Variants in ZNF740 observed in about 807,000 individuals in gnomAD.
ZNF740 encodes the protein oriLyt TD-element-binding protein 7.
Under a neutral mutation model 24.8 loss-of-function variants are expected in ZNF740, and 14 were observed. The observed-to-expected ratio is 0.56, with a 90% CI of 0.37 to 0.88. The LOEUF is 0.88. Ranked by LOEUF, ZNF740 falls within the 40% of genes least tolerant of loss-of-function variation. The pLI is 0.00. For synonymous variants in ZNF740, 69 were observed against 84.0 expected (o/e 0.82, Z 0.98); for missense variants, 201 against 247.9 (o/e 0.81, Z 1.27).
At chr12:53,182,053 T>G in intron 2 of ZNF740, 61 bp downstream of exon 2, 1 of 1,582,992 alleles carries the variant, frequency 6.3e-7, no homozygotes, top group Non-Finnish European at 8.6e-7. Context: ...GTTTCACTCT[T>G]GAATGCTGCC....
intron 6 of ZNF740, 104 bp downstream of exon 6, chr12:53,186,613 G>A (rs1239630421): frequency 1.5e-5 from 13 of 866,084 alleles, no homozygotes; most frequent in Admixed American, 9.1e-5. Context: ...AGCGTTACTC[G>A]CCATAATAGT....
In ZNF740 at chr12:53,192,176, C is replaced by T. The variant is rs576160318; in HGVS notation, c.*4586C>T. Reference sequence around the variant, plus strand: ...TTATCCTCACCGCCCAGGGCCTTAGCCTCGTCCACTTGCTCAATTGCCTCT... The same window carrying T: ...TTATCCTCACCGCCCAGGGCCTTAGTCTCGTCCACTTGCTCAATTGCCTCT... On this transcript the variant is annotated 3_prime_UTR_variant, in exon 7 of 7. Transcript: ENST00000416904. 4.0e-4 allele frequency: 477 copies of T among 1,196,046 alleles called. 1 individual carries two copies. Among genetic ancestry groups the T allele is most frequent in the Non-Finnish European group, 6.5e-5 (55 of 850,426 alleles). The allele number at this position is 1,196,046 out of a possible 1,614,324, so 74.1% of individuals were successfully genotyped here. A position where few individuals can be genotyped will look rare whatever the true frequency, so the allele number is the denominator to read the frequency against.
intron 1 of ZNF740, chr12:53,181,164 G>A: frequency 1.0e-6 from 1 of 984,940 alleles, no homozygotes; most frequent in Non-Finnish European, 1.2e-6. Context: ...GGAGCGAGGC[G>A]GGCGACACGC....
At chr12:53,184,791 A>G in intron 2 of ZNF740, 100 bp from the exon 3 acceptor site, 1 of 1,370,692 alleles carries the variant, frequency 7.3e-7, no homozygotes. Context: ...GGAGAGAAGC[A>G]GTTTGTAGCA....
intron 3 of ZNF740, 143 bp from the exon 4 acceptor site, chr12:53,185,236 AGGTGCTTG>A: frequency 1.8e-6 from 2 of 1,112,682 alleles, no homozygotes; most frequent in Non-Finnish European, 2.6e-6. Context: ...TTTTAAGACC[AGGTGCTTG>A]GAGAGGAAAT....
Position 53,192,736 on chromosome 12 carries a change from A to T in ZNF740, c.*5146A>T, listed in dbSNP as rs1167441301. 4 of 1,614,126 alleles carry T rather than the reference A, an allele frequency of 2.5e-6. No individual in the cohort carries two copies. The highest frequency in any genetic ancestry group is 3.4e-6 in the Non-Finnish European group (4 of 1,180,054). On this transcript the variant is annotated 3_prime_UTR_variant, in exon 7 of 7. Transcript: ENST00000416904. ...CTTGCAGCCTGGGCATTGGTCGCAT[A>T]GAGCACCATAGTAGCCGTCCAAGCA...
At position 53,194,086 on chromosome 12, in the gene ZNF740, C is replaced by T. The variant is rs1208094489; in HGVS notation, c.*6496C>T. The T allele has an allele frequency of 3.4e-6, 5 of 1,487,638 alleles. No individual in the cohort carries two copies. Among genetic ancestry groups the T allele is most frequent in the Non-Finnish European group, 4.6e-6 (5 of 1,080,704 alleles). The allele number at this position is 1,487,638 out of a possible 1,614,324, so 92.2% of individuals were successfully genotyped here. On this transcript the variant is annotated 3_prime_UTR_variant, in exon 7 of 7. Transcript: ENST00000416904. Reference sequence around the variant, plus strand: ...TCCAGGAAGGATGGATGGAGGACTACCTCAGGCTCTCATGTCACTCCCTGT... The same window carrying T: ...TCCAGGAAGGATGGATGGAGGACTATCTCAGGCTCTCATGTCACTCCCTGT...
rs1454622203 is a variant in ZNF740 at position 53,184,146 on chromosome 12, TGTGTGCGCGCGC to T, written c.10-743_10-732del. On this transcript the variant is annotated intron_variant, in intron 2 of 6. Transcript: ENST00000416904. ...GTGTGTGTGTGTGTGTGTGTGTGTG[TGTGTGCGCGCGC>T]GCGCTCTGAAGCTAAGGGGTGTGTG... 8.1e-3 allele frequency among the ~76,000 whole-genome samples: 835 copies of T among 103,264 alleles called. 8 individuals are homozygous for T. The highest frequency in any genetic ancestry group is 0.029 in the African/African-American group (775 of 26,660). 67.7% of individuals were successfully genotyped at this position (103,264 alleles called of 152,430 possible).
chr12:53,185,425 AGAT>A lies in ZNF740; in HGVS notation c.204_206del (p.Asp69del). On this transcript the variant is annotated inframe_deletion, in exon 4 of 7. Transcript: ENST00000416904. ...ACAGTGATAAGTCCCGGAGCCGCAA[AGAT>A]GATGACAGCTTGTCTGAGGCCTCTC... is the stretch of plus-strand genomic sequence containing the variant. 1 of 1,614,016 alleles carries A rather than the reference AGAT, an allele frequency of 6.2e-7. No individual in the cohort carries two copies.
chr12:53,185,176 A>G lies in ZNF740; in HGVS notation c.159+136A>G. The G allele has an allele frequency of 2.9e-6, 4 of 1,395,154 alleles. No individual in the cohort carries two copies. The Admixed American group carries it at 8.6e-5, about 30-fold the overall frequency. The allele number at this position is 1,395,154 out of a possible 1,614,324, so 86.4% of individuals were successfully genotyped here. On this transcript the variant is annotated intron_variant, in intron 3 of 6. Coordinates refer to ENST00000416904, the MANE Select transcript of ZNF740 (RefSeq NM_001004304.4). Reference sequence around the variant, plus strand: ...GGGGATCCAACTGGGGAATGGATGAACATTGGTATTTCAGAAAGCTAAGGA... The same window carrying G: ...GGGGATCCAACTGGGGAATGGATGAGCATTGGTATTTCAGAAAGCTAAGGA...
rs1941979212 is a variant in ZNF740 at position 53,192,214 on chromosome 12, G to C, written c.*4624G>C. 1.6e-6 allele frequency: 2 copies of C among 1,276,328 alleles called. No individual in the cohort carries two copies. Among genetic ancestry groups the C allele is most frequent in the Non-Finnish European group, 2.2e-6 (2 of 906,866 alleles). 79.1% of individuals were successfully genotyped at this position (1,276,328 alleles called of 1,614,324 possible). On this transcript the variant is annotated 3_prime_UTR_variant, in exon 7 of 7. Transcript: ENST00000416904. The stretch of plus-strand genomic sequence containing the variant: ...CTCAATTGCCTCTGCCTTTGTCCTG[G>C]ATTCACAGTTCTGCTTCAGCCCCCA...
At chr12:53,183,021 C>G (rs539955142) in intron 2 of ZNF740, among the ~76,000 whole-genome samples, 3 of 152,324 alleles carry the variant, frequency 2.0e-5, no homozygotes, top group East Asian at 1.9e-4. Context: ...CCCTACCAGT[C>G]TCACCAGGAT....
intron 2 of ZNF740, among the ~76,000 whole-genome samples, chr12:53,184,559 G>A (rs931839399): frequency 1.3e-5 from 2 of 152,142 alleles, no homozygotes; most frequent in African/African-American, 4.8e-5. Context: ...TAGCAAGATG[G>A]AACCTCATAC....
chr12:53,185,483 A>G lies in ZNF740; in HGVS notation c.249+7A>G. ...AAAAAAGACTGTTAAAAAGGCAGGT[A>G]ATGGGGTGATCCCCCAAACTCATAC... On this transcript the variant is annotated splice_region_variant and intron_variant, in intron 4 of 6. Transcript: ENST00000416904. The G allele has an allele frequency of 6.2e-7, 1 of 1,613,182 alleles. No individual in the cohort carries two copies. Among genetic ancestry groups the G allele is most frequent in the East Asian group, 2.2e-5 (1 of 44,880 alleles).
At position 53,188,086 on chromosome 12, in the gene ZNF740, T is replaced by C. The variant is rs901427485; in HGVS notation, c.*496T>C. ...AGCTGGTCCAGCTCTCCCCAAAAAT[T>C]GGGTTTTTAGTTGCAGTAGCTCCTC... On this transcript the variant is annotated 3_prime_UTR_variant, in exon 7 of 7. Coordinates refer to ENST00000416904, the MANE Select transcript of ZNF740 (RefSeq NM_001004304.4). 1.9e-5 allele frequency: 3 copies of C among 160,396 alleles called. No homozygotes were observed. The highest frequency in any genetic ancestry group is 7.2e-5 in the African/African-American group (3 of 41,584). The allele number at this position is 160,396 out of a possible 1,614,324, so 9.9% of individuals were successfully genotyped here. A position where few individuals can be genotyped will look rare whatever the true frequency, so the allele number is the denominator to read the frequency against.
In ZNF740 at chr12:53,181,696, A is replaced by T; in HGVS notation, c.-288A>T. On this transcript the variant is annotated 5_prime_UTR_variant, in exon 2 of 7. Coordinates refer to ENST00000416904, the MANE Select transcript of ZNF740 (RefSeq NM_001004304.4). ...TTTCAGGTTTCTGAAACAGATCGTGAGCTTCATCAAGAGAATTCAACTGGA... is the reference window on the plus strand; with the variant it reads ...TTTCAGGTTTCTGAAACAGATCGTGTGCTTCATCAAGAGAATTCAACTGGA... The T allele has an allele frequency of 6.7e-6, 3 of 450,190 alleles. No homozygotes were observed. Among genetic ancestry groups the T allele is most frequent in the Non-Finnish European group, 1.1e-5 (3 of 270,138 alleles). The allele number at this position is 450,190 out of a possible 1,614,324, so 27.9% of individuals were successfully genotyped here. A position where few individuals can be genotyped will look rare whatever the true frequency, so the allele number is the denominator to read the frequency against.
rs373625670 is a variant in ZNF740, at chr12:53,193,727, G to T, written c.*6137G>T. 1 of 1,613,238 alleles carries T rather than the reference G, an allele frequency of 6.2e-7. No individual in the cohort carries two copies. ...CCTCACCTGCATACACCACATTGTA[G>T]GTGTCCCTGGCCATCACTGCAGTGG... On this transcript the variant is annotated 3_prime_UTR_variant, in exon 7 of 7. Coordinates refer to ENST00000416904, the MANE Select transcript of ZNF740 (RefSeq NM_001004304.4).
chr12:53,195,096 C>T lies in ZNF740; in HGVS notation c.*7506C>T, dbSNP rs1592401364. On this transcript the variant is annotated 3_prime_UTR_variant, in exon 7 of 7. Coordinates refer to ENST00000416904, the MANE Select transcript of ZNF740 (RefSeq NM_001004304.4). ...ATGAAGTAGCAAACAGTATGTACAC[C>T]TAGGATGGTGGGCGCATGAAATAAA... 1.5e-5 allele frequency: 7 copies of T among 476,592 alleles called. No homozygotes were observed. Among genetic ancestry groups the T allele is most frequent in the Admixed American group, 9.9e-5 (3 of 30,172 alleles). 29.5% of individuals were successfully genotyped at this position (476,592 alleles called of 1,614,324 possible).
rs575232324 is a variant in ZNF740, at chr12:53,194,771, A to G, written c.*7181A>G. 17 of 176,594 alleles carry G rather than the reference A, an allele frequency of 9.6e-5. No individual in the cohort carries two copies. In the East Asian group the frequency reaches 1.7e-3, roughly 18 times the overall value. 10.9% of individuals were successfully genotyped at this position (176,594 alleles called of 1,614,324 possible). On this transcript the variant is annotated 3_prime_UTR_variant, in exon 7 of 7. Transcript: ENST00000416904. ...GGTTTAGGAGATGCTCCCTGTTATC[A>G]AGAAGCCTACAGCCTAGTTGCAGAG... is the stretch of plus-strand genomic sequence containing the variant.
Sources: gnomAD v4.1 joint callset for allele counts (sites outside exome capture counted in the v4.1 genomes callset) on GRCh38, gnomAD v4.1.1 for gene constraint, MANE v1.5 for transcripts, NCBI Gene and HGNC (gene_info 2026-07-23, HGNC 2026-07-21) for gene names.